Variants in ATG7 observed in about 807,000 individuals in gnomAD.
The protein encoded by ATG7 is ubiquitin-like modifier-activating enzyme ATG7.
In ATG7, 70 loss-of-function variants were observed where a neutral mutation model predicts 82.4. The observed-to-expected ratio is 0.85, with a 90% CI of 0.70 to 1.04. ATG7 has a LOEUF of 1.04. Ranked by LOEUF, ATG7 falls within the 50% of genes least tolerant of loss-of-function variation. The pLI is 0.00. For synonymous variants in ATG7, 287 were observed against 313.0 expected (o/e 0.92, Z 0.88); for missense variants, 792 against 864.3 (o/e 0.92, Z 1.05).
intron 20 of ATG7, among the ~76,000 whole-genome samples, chr3:11,475,868 GACACACACACACACAC>G (rs3219674): frequency 9.0e-5 from 10 of 111,194 alleles, no homozygotes; most frequent in South Asian, 3.4e-4. Context: ...CTGTCTCTGA[GACACACACACACACAC>G]ACACACACAC....
intron 20 of ATG7, among the ~76,000 whole-genome samples, chr3:11,514,230 AT>A (rs1460977736): frequency 6.6e-6 from 1 of 152,222 alleles, no homozygotes; most frequent in Non-Finnish European, 1.5e-5. Context: ...TTGAGTCAAG[AT>A]TGGAATCTGG....
rs574051755 is a variant in ATG7 at position 11,372,586 on chromosome 3, C to T, written c.1876-7386C>T. 1.3e-4 allele frequency among the ~76,000 whole-genome samples: 19 copies of T among 151,124 alleles called. 1 individual carries two copies. The South Asian group carries it at 3.8e-3, about 30-fold the overall frequency. On this transcript the variant is annotated intron_variant, in intron 18 of 20. Coordinates refer to ENST00000693202, the MANE Select transcript of ATG7 (RefSeq NM_001349232.2). Reference sequence around the variant, plus strand: ...AGAATTTTTCTGTCACCCCAAAAAGCTCCTTTGTGCCTTCTCCCAGTTCAT... The same window carrying T: ...AGAATTTTTCTGTCACCCCAAAAAGTTCCTTTGTGCCTTCTCCCAGTTCAT...
chr3:11,328,496 G>A (rs927379312), intron 9 of ATG7, among the ~76,000 whole-genome samples: 4 of 151,954 alleles, frequency 2.6e-5, no homozygotes, highest in Non-Finnish European at 5.9e-5. Context: ...TTTAAGAAAC[G>A]AACATGCATT....
the ATG7 span, chr3:11,565,117 A>G: frequency 8.4e-7 from 1 of 1,189,006 alleles, no homozygotes; most frequent in East Asian, 3.1e-5. This position sits in a 1 kb window ranked among gnomAD's most constrained non-coding sequence, Gnocchi z 4.1. Flanking sequence ...TTAATTTTTT[A>G]CCCTGAAGCT....
chr3:11,277,891 A>AGCCC (rs1942170487), intron 1 of ATG7, among the ~76,000 whole-genome samples: 2 of 60,770 alleles, frequency 3.3e-5, no homozygotes, highest in African/African-American at 6.8e-5. Flanking sequence ...CCCTTTATAG[A>AGCCC]CCCCCCCCCC....
chr3:11,304,879 C>A (rs994372044), intron 5 of ATG7, among the ~76,000 whole-genome samples: 1 of 152,026 alleles, frequency 6.6e-6, no homozygotes, highest in African/African-American at 2.4e-5. Flanking sequence ...TAAAATTCAC[C>A]CCTTAGTTTA....
At chr3:11,499,212 A>T (rs1178554209) in intron 20 of ATG7, among the ~76,000 whole-genome samples, 2 of 151,668 alleles carry the variant, frequency 1.3e-5, no homozygotes, top group Non-Finnish European at 2.9e-5. Flanking sequence ...TGGGGACTAC[A>T]CAGCTTCCCA....
Position 11,432,915 on chromosome 3 carries a change from C to G in ATG7, c.2079+5989C>G, listed in dbSNP as rs919668498. Among the ~76,000 whole-genome samples, 4 of 152,026 alleles carry G rather than the reference C, an allele frequency of 2.6e-5. No individual in the cohort carries two copies. In the East Asian group the frequency reaches 7.7e-4, roughly 29 times the overall value. On this transcript the variant is annotated intron_variant, in intron 20 of 20. Transcript: ENST00000693202. The stretch of plus-strand genomic sequence containing the variant: ...GATCTTTATTTATCCTATTTGGAAC[C>G]CAGGGAAATGGCCTTAAAGCTGATG...
At chr3:11,462,852 T>C (rs1220390474) in intron 20 of ATG7, among the ~76,000 whole-genome samples, 7 of 104,840 alleles carry the variant, frequency 6.7e-5, no homozygotes, top group African/African-American at 3.0e-4. Context: ...TTTATTTATT[T>C]ATTTATTTAT....
At chr3:11,493,312 C>T (rs1008726297) in intron 20 of ATG7, among the ~76,000 whole-genome samples, 6 of 152,220 alleles carry the variant, frequency 3.9e-5, no homozygotes, top group African/African-American at 1.4e-4. Context: ...CGCCTCTCCC[C>T]AACATCCAGC....
the ATG7 span, among the ~76,000 whole-genome samples, chr3:11,572,954 G>A: frequency 6.6e-6 from 1 of 152,002 alleles, no homozygotes; most frequent in Admixed American, 6.6e-5. Context: ...GATCACCTGA[G>A]GTCAGGAGTT....
chr3:11,486,125 C>T (rs1437066987), intron 20 of ATG7, among the ~76,000 whole-genome samples: 1 of 152,134 alleles, frequency 6.6e-6, no homozygotes, highest in Admixed American at 6.5e-5. Flanking sequence ...CTATAAATTA[C>T]CTTGGGCAGT....
At chr3:11,345,272 G>T (rs1954339005) in intron 13 of ATG7, among the ~76,000 whole-genome samples, 1 of 152,188 alleles carries the variant, frequency 6.6e-6, no homozygotes, top group Non-Finnish European at 1.5e-5. Flanking sequence ...AGCCGGGCAT[G>T]GTGGCAGGCG....
chr3:11,534,361 G>A (rs1055709209), intron 20 of ATG7, among the ~76,000 whole-genome samples: 5 of 152,248 alleles, frequency 3.3e-5, no homozygotes, highest in African/African-American at 4.8e-5. Flanking sequence ...AGGTAAAGAA[G>A]GGCATGATGG....
downstream of ATG7, among the ~76,000 whole-genome samples, chr3:11,561,873 A>T (rs999032518): frequency 3.5e-5 from 5 of 144,110 alleles, no homozygotes; most frequent in South Asian, 2.3e-4. Context: ...AGCAACCCCC[A>T]AGGCTGGCTG....
At chr3:11,360,527 G>T in intron 15 of ATG7, 54 bp from the exon 16 acceptor site, 1 of 1,536,606 alleles carries the variant, frequency 6.5e-7, no homozygotes, top group Non-Finnish European at 8.8e-7. Flanking sequence ...ATTAGCCACA[G>T]CTTGAAATAT....
chr3:11,538,891 A>T, intron 20 of ATG7, among the ~76,000 whole-genome samples: 1 of 150,958 alleles, frequency 6.6e-6, no homozygotes, highest in African/African-American at 2.5e-5. Flanking sequence ...AAAGAAAAAG[A>T]AAAAGCCCTT....
chr3:11,308,824 T>C (rs1161617445), intron 6 of ATG7, 160 bp from the exon 7 acceptor site: 2 of 671,176 alleles, frequency 3.0e-6, no homozygotes. Context: ...CAGTGTGAAG[T>C]CGGCAGAGTG....
intron 3 of ATG7, 138 bp from the exon 4 acceptor site, chr3:11,298,548 G>T (rs1575252212): frequency 1.3e-6 from 1 of 760,520 alleles, no homozygotes; most frequent in East Asian, 2.6e-5. Flanking sequence ...AATCCAAAAA[G>T]AAGTTGTGTT....
Sources: allele counts gnomAD v4.1 joint callset (sites outside exome capture counted in the v4.1 genomes callset), GRCh38; gene constraint gnomAD v4.1.1; non-coding constraint Gnocchi (gnomAD v3.1); transcripts MANE v1.5; gene names NCBI Gene and HGNC (gene_info 2026-07-23, HGNC 2026-07-21).